The following SYT16 variants were observed in gnomAD, a reference collection of about 807,000 sequenced individuals.
The protein encoded by SYT16 is synaptotagmin-16.
Under a neutral mutation model 61.4 loss-of-function variants are expected in SYT16, and 42 were observed. The ratio of observed to expected loss-of-function variants is 0.68; its 90% confidence interval spans 0.53 to 0.89. SYT16 has a LOEUF of 0.89. SYT16 is among the 40% of genes least tolerant of loss of function. SYT16 has a pLI of 0.00. For synonymous variants in SYT16, 314 were observed against 302.3 expected (o/e 1.04, Z -0.40); for missense variants, 804 against 807.3 (o/e 1.00, Z 0.05).
intron 1 of SYT16, among the ~76,000 whole-genome samples, chr14:61,944,412 G>A (rs2140458060): frequency 6.6e-6 from 1 of 152,256 alleles, no homozygotes; most frequent in Admixed American, 6.5e-5. Context: ...CCAAAAAAGA[G>A]CCCATATAGC....
intron 1 of SYT16, among the ~76,000 whole-genome samples, chr14:61,908,098 G>C (rs1017989755): frequency 6.6e-6 from 1 of 152,206 alleles, no homozygotes; most frequent in Non-Finnish European, 1.5e-5. Context: ...TGTAGGACAA[G>C]ACCAGCCTTT....
intron 3 of SYT16, among the ~76,000 whole-genome samples, chr14:62,058,001 T>C (rs2055642773): frequency 6.6e-6 from 1 of 152,230 alleles, no homozygotes; most frequent in South Asian, 2.1e-4. Flanking sequence ...ATTTTGAATT[T>C]TTAGATTATT....
At chr14:62,061,305 TA>T (rs1179280244) in intron 3 of SYT16, among the ~76,000 whole-genome samples, 1 of 152,112 alleles carries the variant, frequency 6.6e-6, no homozygotes, top group Non-Finnish European at 1.5e-5. Flanking sequence ...AACAGGTTAT[TA>T]ACACATGCAT....
At chr14:61,880,858 A>G (rs2047674643) in intron 1 of SYT16, among the ~76,000 whole-genome samples, 1 of 152,102 alleles carries the variant, frequency 6.6e-6, no homozygotes, top group Non-Finnish European at 1.5e-5. Context: ...TTTATAGGCA[A>G]TCATAACACT....
At chr14:62,066,877 T>C (rs1364381373) in intron 3 of SYT16, among the ~76,000 whole-genome samples, 1 of 152,164 alleles carries the variant, frequency 6.6e-6, no homozygotes, top group East Asian at 1.9e-4. Context: ...GTTAGATAGG[T>C]AATGCTGCCG....
chr14:62,072,950 G>A (rs1182546227), intron 4 of SYT16, among the ~76,000 whole-genome samples: 1 of 152,118 alleles, frequency 6.6e-6, no homozygotes, highest in Non-Finnish European at 1.5e-5. Context: ...GCCAGGATAC[G>A]TTTCTCTGAC....
chr14:61,904,748 A>G (rs2048642278), intron 1 of SYT16, among the ~76,000 whole-genome samples: 2 of 152,240 alleles, frequency 1.3e-5, no homozygotes, highest in Admixed American at 1.3e-4. Context: ...CTCTGAAGGC[A>G]GATTGACTAA....
chr14:61,990,330 A>T (rs2052495772), intron 2 of SYT16, among the ~76,000 whole-genome samples: 1 of 152,206 alleles, frequency 6.6e-6, no homozygotes, highest in African/African-American at 2.4e-5. Flanking sequence ...TGACACAAGA[A>T]AGTTAACTGA....
At chr14:61,973,037 G>A (rs1299688941) in intron 2 of SYT16, among the ~76,000 whole-genome samples, 1 of 152,098 alleles carries the variant, frequency 6.6e-6, no homozygotes, top group African/African-American at 2.4e-5. Context: ...TGCCATTTTT[G>A]TTGATAAAAA....
intron 3 of SYT16, among the ~76,000 whole-genome samples, chr14:61,997,657 T>C (rs1265912125): frequency 6.6e-6 from 1 of 152,086 alleles, no homozygotes; most frequent in African/African-American, 2.4e-5. Flanking sequence ...TGATAAGCTG[T>C]AGCTAATTGC....
chr14:61,954,730 G>A (rs2140485148), intron 1 of SYT16, among the ~76,000 whole-genome samples: 1 of 152,026 alleles, frequency 6.6e-6, no homozygotes, highest in East Asian at 1.9e-4. Flanking sequence ...ATTTTGTTTA[G>A]ACTCAGATGC....
chr14:61,888,630 A>G (rs186176927), intron 1 of SYT16, among the ~76,000 whole-genome samples: 1 of 152,358 alleles, frequency 6.6e-6, no homozygotes, highest in Non-Finnish European at 1.5e-5. Context: ...ACCATGACAG[A>G]TGTAATAATA....
intron 4 of SYT16, among the ~76,000 whole-genome samples, chr14:62,074,255 G>A (rs966964319): frequency 1.3e-5 from 2 of 152,206 alleles, no homozygotes; most frequent in African/African-American, 4.8e-5. Flanking sequence ...AGAGAGAAAA[G>A]TGTGGAGACT....
chr14:61,903,679 G>A (rs1258460933), intron 1 of SYT16, among the ~76,000 whole-genome samples: 1 of 152,108 alleles, frequency 6.6e-6, no homozygotes, highest in Admixed American at 6.6e-5. Context: ...TGACTGGGAT[G>A]GAAACTGGAA....
chr14:61,879,899 A>G (rs2047636057), intron 1 of SYT16, among the ~76,000 whole-genome samples: 1 of 152,162 alleles, frequency 6.6e-6, no homozygotes, highest in African/African-American at 2.4e-5. Flanking sequence ...CAGAACAATC[A>G]CACTGTCTTC....
At chr14:62,091,087 A>G (rs2057056238) in intron 7 of SYT16, among the ~76,000 whole-genome samples, 1 of 152,228 alleles carries the variant, frequency 6.6e-6, no homozygotes, top group Non-Finnish European at 1.5e-5. Context: ...AAATCATATC[A>G]CATGGTATGT....
chr14:62,044,666 G>A (rs2054892760), intron 3 of SYT16, among the ~76,000 whole-genome samples: 1 of 152,120 alleles, frequency 6.6e-6, no homozygotes, highest in African/African-American at 2.4e-5. Flanking sequence ...ATTCCATTGT[G>A]TATATGTGCC....
chr14:61,826,464 A>C (rs2045775076), intron 1 of SYT16, among the ~76,000 whole-genome samples: 1 of 152,008 alleles, frequency 6.6e-6, no homozygotes, highest in Admixed American at 6.5e-5. Context: ...TTACAGATGA[A>C]GATTCCAATT....
At chr14:62,037,520 T>C (rs1385722237) in intron 3 of SYT16, among the ~76,000 whole-genome samples, 1 of 152,184 alleles carries the variant, frequency 6.6e-6, no homozygotes, top group Non-Finnish European at 1.5e-5. Context: ...AACCAAACCA[T>C]CTAAAACTGG....
Sources: allele counts gnomAD v4.1 joint callset (sites outside exome capture counted in the v4.1 genomes callset), GRCh38; gene constraint gnomAD v4.1.1; transcripts MANE v1.5; gene names NCBI Gene and HGNC (gene_info 2026-07-23, HGNC 2026-07-21).